The following EXOC6 variants were observed in gnomAD, a reference collection of about 807,000 sequenced individuals.
EXOC6 encodes exocyst complex component 6.
In EXOC6, 60 loss-of-function variants were observed where a neutral mutation model predicts 112.5. That is an observed-to-expected ratio of 0.53 (90% CI 0.43 to 0.66). The LOEUF (loss-of-function observed/expected upper bound fraction) is 0.66, where lower values mean the gene tolerates loss of function less well. EXOC6 is among the 30% of genes least tolerant of loss of function. EXOC6 has a pLI of 0.00. For missense variants in EXOC6, 855 were observed against 957.1 expected, an observed-to-expected ratio of 0.89 and a Z score of 1.41; for synonymous variants, 295 against 308.0, an observed-to-expected ratio of 0.96 and a Z score of 0.44.
At chr10:92,915,661 A>C in intron 6 of EXOC6, 97 bp from the exon 7 acceptor site, 1 of 804,538 alleles carries the variant, frequency 1.2e-6, no homozygotes, top group South Asian at 2.6e-5. Flanking sequence ...ACCTACAGAC[A>C]TTAAAAAGAT....
intron 9 of EXOC6, 95 bp from the exon 10 acceptor site, chr10:92,934,049 A>G (rs1852216182): frequency 4.0e-6 from 3 of 743,802 alleles, no homozygotes; most frequent in African/African-American, 1.8e-5. Flanking sequence ...TAGACTCTCA[A>G]TAAATATTTG....
At chr10:92,985,027 A>G (rs137899897) in intron 18 of EXOC6, among the ~76,000 whole-genome samples, 3 of 151,954 alleles carry the variant, frequency 2.0e-5, no homozygotes, top group Admixed American at 1.3e-4. Flanking sequence ...AACAAAACAA[A>G]ACCTGAATTC....
chr10:92,978,644 AT>A (rs887533689), intron 18 of EXOC6, among the ~76,000 whole-genome samples: 1 of 152,122 alleles, frequency 6.6e-6, no homozygotes, highest in African/African-American at 2.4e-5. Context: ...TAAATCTATT[AT>A]TTTTCTAGAT....
intron 19 of EXOC6, among the ~76,000 whole-genome samples, chr10:93,013,694 T>A (rs1844364913): frequency 6.6e-6 from 1 of 152,234 alleles, no homozygotes; most frequent in African/African-American, 2.4e-5. Context: ...TAGAACATTT[T>A]ACTTATTGTC....
chr10:92,929,722 T>C (rs1220893185), intron 9 of EXOC6, among the ~76,000 whole-genome samples: 1 of 152,170 alleles, frequency 6.6e-6, no homozygotes, highest in African/African-American at 2.4e-5. Flanking sequence ...GTTAAAAATA[T>C]TATGAATAGG....
At chr10:92,946,708 G>A (rs1853032307) in intron 13 of EXOC6, among the ~76,000 whole-genome samples, 1 of 151,984 alleles carries the variant, frequency 6.6e-6, no homozygotes, top group Admixed American at 6.6e-5. Flanking sequence ...TGCACTACTT[G>A]TGGTTTTACA....
At chr10:92,866,896 G>C (rs1183965902) in intron 1 of EXOC6, among the ~76,000 whole-genome samples, 1 of 151,942 alleles carries the variant, frequency 6.6e-6, no homozygotes, top group African/African-American at 2.4e-5. Context: ...CTTGTTTTGG[G>C]GGAATTTTAC....
At chr10:92,828,636 T>TG (rs1846422374) in intron 1 of EXOC6, among the ~76,000 whole-genome samples, 1 of 1,052 alleles carries the variant, frequency 9.5e-4, no homozygotes, top group Non-Finnish European at 0.021. Context: ...GCCCCGCCAG[T>TG]TTTTTTTTTT....
intron 1 of EXOC6, among the ~76,000 whole-genome samples, chr10:92,869,835 C>G (rs1004182488): frequency 6.6e-6 from 1 of 151,856 alleles, no homozygotes; most frequent in Non-Finnish European, 1.5e-5. Context: ...TCTAGTCTAA[C>G]TTAACAATCC....
chr10:93,019,805 A>G (rs1340547943), intron 20 of EXOC6, among the ~76,000 whole-genome samples: 1 of 152,118 alleles, frequency 6.6e-6, no homozygotes, highest in Non-Finnish European at 1.5e-5. Flanking sequence ...AAAAGTGAAA[A>G]TTTCACCCAG....
At chr10:92,892,459 G>A (rs1386087117) in intron 1 of EXOC6, among the ~76,000 whole-genome samples, 2 of 152,218 alleles carry the variant, frequency 1.3e-5, no homozygotes, top group Non-Finnish European at 2.9e-5. Context: ...ATATAGCCAT[G>A]ACTGACTACC....
chr10:93,057,699 C>G (rs747054405), intron 21 of EXOC6, among the ~76,000 whole-genome samples: 2 of 151,992 alleles, frequency 1.3e-5, no homozygotes, highest in Non-Finnish European at 2.9e-5. Flanking sequence ...TTAAAATTTT[C>G]AATTTTAAAT....
At chr10:92,856,595 A>T (rs1847612509) in intron 1 of EXOC6, among the ~76,000 whole-genome samples, 1 of 152,154 alleles carries the variant, frequency 6.6e-6, no homozygotes, top group Non-Finnish European at 1.5e-5. Context: ...ATTGAGGCTT[A>T]TTTTATTGCC....
chr10:93,055,308 AC>A (rs1846486761), intron 20 of EXOC6, among the ~76,000 whole-genome samples: 2 of 152,204 alleles, frequency 1.3e-5, no homozygotes, highest in Admixed American at 6.5e-5. Context: ...ATACAGATAG[AC>A]CTCACTACTT....
rs1590006079 is a variant in EXOC6, at chr10:92,998,705, A to G, written c.2095+1090A>G. 2.6e-5 allele frequency among the ~76,000 whole-genome samples: 4 copies of G among 152,120 alleles called. No homozygotes were observed. The South Asian group carries it at 8.3e-4, about 32-fold the overall frequency. ...AAACCTACCCATTTATTTAAAAAAA[A>G]AGAAATGTTTATTTAGAAAACAAAA... On this transcript the variant is annotated intron_variant, in intron 19 of 21. Transcript: ENST00000260762.
intron 1 of EXOC6, among the ~76,000 whole-genome samples, chr10:92,879,644 G>C (rs1358367302): frequency 6.6e-6 from 1 of 152,054 alleles, no homozygotes; most frequent in African/African-American, 2.4e-5. Flanking sequence ...GTTTGTATTT[G>C]ATTGATATTC....
At chr10:92,916,371 A>ATGG (rs1851088910) in intron 7 of EXOC6, among the ~76,000 whole-genome samples, 2 of 152,098 alleles carry the variant, frequency 1.3e-5, no homozygotes, top group South Asian at 4.1e-4. Context: ...TTAGCTGGGC[A>ATGG]TGGTGGTGGG....
rs12269492 is a variant in EXOC6 at position 92,860,341 on chromosome 10, G to A, written c.101+11707G>A. On this transcript the variant is annotated intron_variant, in intron 1 of 21. Transcript: ENST00000260762. Reference sequence around the variant, plus strand: ...GGCTGGAGTGCAGTGGCGTGATCTCGCTCACTGCTGACTCCACCTCTTGCT... The same window carrying A: ...GGCTGGAGTGCAGTGGCGTGATCTCACTCACTGCTGACTCCACCTCTTGCT... 2.3e-4 allele frequency among the ~76,000 whole-genome samples: 31 copies of A among 134,842 alleles called. No individual in the cohort carries two copies. The South Asian group carries it at 5.9e-3, about 26-fold the overall frequency. The allele number at this position is 134,842 out of a possible 152,430, so 88.5% of individuals were successfully genotyped here. A position where few individuals can be genotyped will look rare whatever the true frequency, so the allele number is the denominator to read the frequency against.
rs548632830 is a variant in EXOC6, at chr10:92,860,106, C to T, written c.101+11472C>T. ...ATTTTGACTTTTTAGTGGATTAAAA[C>T]CCCTAATCTTCCCAATCTTGGCTTT... On this transcript the variant is annotated intron_variant, in intron 1 of 21. Coordinates refer to ENST00000260762, the MANE Select transcript of EXOC6 (RefSeq NM_019053.6). Among the ~76,000 whole-genome samples, 92 of 152,158 alleles carry T rather than the reference C, an allele frequency of 6.0e-4. 1 individual carries two copies. In the South Asian group the frequency reaches 0.019, roughly 31 times the overall value.
Sources: allele counts gnomAD v4.1 joint callset (sites outside exome capture counted in the v4.1 genomes callset), GRCh38; gene constraint gnomAD v4.1.1; transcripts MANE v1.5; gene names NCBI Gene and HGNC (gene_info 2026-07-23, HGNC 2026-07-21).